MFSD11: variants seen among roughly 807,000 people sequenced by gnomAD.
MFSD11 encodes the protein UNC93-like protein MFSD11.
In MFSD11, 36 loss-of-function variants were observed where a neutral mutation model predicts 53.5. The observed-to-expected ratio is 0.67, with a 90% confidence interval of 0.52 to 0.89. The LOEUF (loss-of-function observed/expected upper bound fraction) is 0.89, where lower values mean the gene tolerates loss of function less well. Among genes scored for constraint, MFSD11 ranks in the 40% least tolerant of loss-of-function variants. MFSD11 has a pLI of 0.00. For synonymous variants in MFSD11, 186 were observed against 184.9 expected (o/e 1.01, Z -0.05); for missense variants, 530 against 543.9 (o/e 0.97, Z 0.25).
chr17:76,801,199 C>T, the MFSD11 span, among the ~76,000 whole-genome samples: 1 of 151,776 alleles, frequency 6.6e-6, no homozygotes, highest in Non-Finnish European at 1.5e-5. Context: ...CGTGACCAGC[C>T]TGGCCAACAT....
At chr17:76,753,965 A>G in intron 7 of MFSD11, 82 bp from the exon 8 acceptor site, 1 of 1,209,370 alleles carries the variant, frequency 8.3e-7, no homozygotes, top group Non-Finnish European at 1.2e-6. Context: ...GGTTTTTACG[A>G]ACGTAAATGA....
chr17:76,762,198 A>G (rs1289898393), intron 8 of MFSD11, among the ~76,000 whole-genome samples: 1 of 152,114 alleles, frequency 6.6e-6, no homozygotes, highest in Non-Finnish European at 1.5e-5. Flanking sequence ...TTTTATGTAA[A>G]TAGAATCATA....
At chr17:76,760,684 C>A (rs2080138587) in intron 8 of MFSD11, among the ~76,000 whole-genome samples, 1 of 151,874 alleles carries the variant, frequency 6.6e-6, no homozygotes, top group Non-Finnish European at 1.5e-5. Flanking sequence ...GTGAATGCCA[C>A]CACACCTGGC....
chr17:76,786,391 C>T (rs2082274359), downstream of MFSD11, among the ~76,000 whole-genome samples: 1 of 152,142 alleles, frequency 6.6e-6, no homozygotes, highest in Non-Finnish European at 1.5e-5. Flanking sequence ...ATCTGCCCGC[C>T]TCGGCCTCCC....
upstream of MFSD11, chr17:76,737,474 G>A (rs2077578959): frequency 8.6e-6 from 3 of 348,434 alleles, no homozygotes; most frequent in Admixed American, 8.9e-5. Flanking sequence ...TACCCGAAGC[G>A]CCTGCGCACA....
At chr17:76,781,941 T>C (rs1476735273), downstream of MFSD11, among the ~76,000 whole-genome samples, 2 of 151,162 alleles carry the variant, frequency 1.3e-5, no homozygotes, top group Non-Finnish European at 2.9e-5. Context: ...CCGGCCTCAG[T>C]CTCCCAAGTA....
At chr17:76,802,857 A>G in the MFSD11 span, among the ~76,000 whole-genome samples, 1 of 152,138 alleles carries the variant, frequency 6.6e-6, no homozygotes, top group Non-Finnish European at 1.5e-5. Flanking sequence ...CATGATCAGC[A>G]GGAAGAAGTT....
At position 76,753,883 on chromosome 17, in the gene MFSD11, G is replaced by A. The variant is rs540905442; in HGVS notation, c.642-164G>A. ...TTTAAAAACCTGAAGCGAGGGTGTG[G>A]CCATGAGGGACACCCTGAGGCAAGG... is the stretch of plus-strand genomic sequence containing the variant. On this transcript the variant is annotated intron_variant, in intron 7 of 12. Transcript: ENST00000685175. 5.9e-5 allele frequency among the ~76,000 whole-genome samples: 9 copies of A among 152,174 alleles called. No homozygotes were observed. In the East Asian group the frequency reaches 1.4e-3, roughly 23 times the overall value.
intron 7 of MFSD11, among the ~76,000 whole-genome samples, chr17:76,746,051 A>G (rs930100427): frequency 6.6e-6 from 1 of 152,216 alleles, no homozygotes; most frequent in Non-Finnish European, 1.5e-5. Context: ...TCTTGTGCCA[A>G]ACAGCCAAGT....
chr17:76,792,565 A>G, the MFSD11 span, among the ~76,000 whole-genome samples: 2 of 151,358 alleles, frequency 1.3e-5, no homozygotes, highest in Non-Finnish European at 2.9e-5. Flanking sequence ...TAACATATCC[A>G]AGATGGCAGA....
At chr17:76,775,268 C>G (rs1423831335) in intron 11 of MFSD11, 97 bp downstream of exon 11, 38 of 1,094,576 alleles carry the variant, frequency 3.5e-5, no homozygotes, top group Non-Finnish European at 5.0e-5. Context: ...CTTCAGAGAG[C>G]CTGGTGTCTC....
chr17:76,790,407 T>A, the MFSD11 span, among the ~76,000 whole-genome samples: 1 of 146,758 alleles, frequency 6.8e-6, no homozygotes, highest in Non-Finnish European at 1.5e-5. Flanking sequence ...AGTGGCGTGA[T>A]CACAACTTAC....
chr17:76,792,600 G>C, the MFSD11 span, among the ~76,000 whole-genome samples: 7 of 151,294 alleles, frequency 4.6e-5, no homozygotes, highest in Non-Finnish European at 8.8e-5. Context: ...ATAAGGACCC[G>C]CCTAAATTTG....
intron 7 of MFSD11, among the ~76,000 whole-genome samples, chr17:76,749,867 GC>G (rs2078897557): frequency 6.6e-6 from 1 of 150,390 alleles, no homozygotes; most frequent in Non-Finnish European, 1.5e-5. Flanking sequence ...TCCAGCCTGG[GC>G]GATAGAGTGA....
At chr17:76,787,057 C>T in the MFSD11 span, among the ~76,000 whole-genome samples, 1 of 151,524 alleles carries the variant, frequency 6.6e-6, no homozygotes, top group Non-Finnish European at 1.5e-5. Flanking sequence ...CAAGGGTTCT[C>T]ATGTCTCTCG....
At chr17:76,764,329 C>G (rs981489655) in intron 8 of MFSD11, among the ~76,000 whole-genome samples, 5 of 152,102 alleles carry the variant, frequency 3.3e-5, no homozygotes, top group Non-Finnish European at 7.4e-5. Context: ...CTGTCAACAC[C>G]AAGTTGTACA....
chr17:76,754,484 A>G (rs1449732414), intron 8 of MFSD11, among the ~76,000 whole-genome samples: 1 of 152,118 alleles, frequency 6.6e-6, no homozygotes, highest in Non-Finnish European at 1.5e-5. Flanking sequence ...GGAGTTCAAG[A>G]CCAGCCTGGC....
Position 76,760,712 on chromosome 17 carries a change from G to A in MFSD11, c.682+6625G>A, listed in dbSNP as rs141721638. 1.3e-3 allele frequency among the ~76,000 whole-genome samples: 204 copies of A among 151,956 alleles called. 3 individuals carry two copies. In the East Asian group the frequency reaches 0.032, roughly 23 times the overall value. Reference sequence around the variant, plus strand: ...CACCTGGCTAATTTTTGTATTTTTAGTAGAAGTGGGGTTTTGTTATGTTGG... The same window carrying A: ...CACCTGGCTAATTTTTGTATTTTTAATAGAAGTGGGGTTTTGTTATGTTGG... On this transcript the variant is annotated intron_variant, in intron 8 of 12. Coordinates refer to ENST00000685175, the MANE Select transcript of MFSD11 (RefSeq NM_001242532.5).
chr17:76,788,814 G>A, the MFSD11 span, among the ~76,000 whole-genome samples: 3 of 148,682 alleles, frequency 2.0e-5, no homozygotes, highest in Admixed American at 1.3e-4. Context: ...CAGCCTGGGC[G>A]ACAGGACGAG....
Sources: allele counts gnomAD v4.1 joint callset (sites outside exome capture counted in the v4.1 genomes callset), GRCh38; gene constraint gnomAD v4.1.1; transcripts MANE v1.5; gene names NCBI Gene and HGNC (gene_info 2026-07-23, HGNC 2026-07-21).